The following ITPR1 variants were observed in gnomAD, a reference collection of about 807,000 sequenced individuals.
ITPR1 encodes inositol 1,4,5-trisphosphate receptor type 1, also known as inositol 1,4,5-trisphosphate-gated calcium channel ITPR1.
ITPR1 carries 96 observed loss-of-function variants against 318.4 expected under a neutral mutation model. The observed-to-expected ratio is 0.30, with a 90% CI of 0.26 to 0.36. The LOEUF is 0.36. ITPR1 is among the 10% of genes least tolerant of loss of function. ITPR1 has a pLI of 1.00. For missense variants in ITPR1, 2,440 were observed against 3,460.2 expected, an observed-to-expected ratio of 0.71 and a Z score of 7.40; for synonymous variants, 1,312 against 1,289.9, an observed-to-expected ratio of 1.02 and a Z score of -0.37.
At chr3:4,716,591 G>T (rs1464285227) in intron 39 of ITPR1, among the ~76,000 whole-genome samples, 1 of 152,148 alleles carries the variant, frequency 6.6e-6, no homozygotes, top group Non-Finnish European at 1.5e-5. Context: ...AAGCGTCTTT[G>T]CTCCAGCTGA....
intron 49 of ITPR1, among the ~76,000 whole-genome samples, chr3:4,780,632 C>G (rs2046767452): frequency 6.6e-6 from 1 of 152,162 alleles, no homozygotes; most frequent in African/African-American, 2.4e-5. Context: ...GGGGGCCAGG[C>G]AAAAGTCCCT....
chr3:4,825,301 G>A (rs906621339), intron 60 of ITPR1, among the ~76,000 whole-genome samples: 42 of 152,190 alleles, frequency 2.8e-4, no homozygotes, highest in Admixed American at 2.7e-3. Flanking sequence ...AGAAGCAAAG[G>A]AGCAATTTTC....
intron 4 of ITPR1, among the ~76,000 whole-genome samples, chr3:4,548,820 C>T (rs1157375361): frequency 6.6e-6 from 1 of 152,186 alleles, no homozygotes; most frequent in African/African-American, 2.4e-5. Flanking sequence ...CTCTGTAAGT[C>T]AGAGAAACAA....
chr3:4,552,100 A>C (rs774614391), intron 4 of ITPR1, among the ~76,000 whole-genome samples: 59 of 152,230 alleles, frequency 3.9e-4, no homozygotes, highest in Admixed American at 2.2e-3. Flanking sequence ...ATTGTGGAAA[A>C]AAACAAACTC....
chr3:4,804,909 G>A (rs922593641), intron 54 of ITPR1, among the ~76,000 whole-genome samples: 5 of 152,150 alleles, frequency 3.3e-5, no homozygotes, highest in African/African-American at 9.7e-5. Context: ...CTGTGGCCAA[G>A]GGAGCTAGAG....
chr3:4,641,251 CT>C (rs2093331388), intron 6 of ITPR1, among the ~76,000 whole-genome samples: 1 of 152,244 alleles, frequency 6.6e-6, no homozygotes, highest in East Asian at 1.9e-4. Context: ...GTTATATCCC[CT>C]CTAGGTCTTC....
intron 4 of ITPR1, among the ~76,000 whole-genome samples, chr3:4,542,071 T>C (rs1190031680): frequency 4.6e-5 from 7 of 152,230 alleles, no homozygotes. Context: ...AATTATATTT[T>C]TCCATTTCTA....
intron 5 of ITPR1, among the ~76,000 whole-genome samples, 178 bp from the exon 6 acceptor site, chr3:4,639,206 G>A (rs191376478): frequency 5.3e-4 from 81 of 152,244 alleles, no homozygotes; most frequent in Non-Finnish European, 8.7e-4. Flanking sequence ...AAGCAAAGGC[G>A]GAGTGGATGG....
At position 4,685,086 on chromosome 3, in the gene ITPR1, C is replaced by G; in HGVS notation, c.3582C>G (p.Ser1194Arg). The G allele has an allele frequency of 6.2e-7, 1 of 1,610,330 alleles. No individual in the cohort carries two copies. Among genetic ancestry groups the G allele is most frequent in the South Asian group, 1.1e-5 (1 of 90,238 alleles). Reference protein sequence around the residue: ...RVVKEILIRLSKLCVQESASV... With the variant: ...RVVKEILIRLRKLCVQESASV... ...TCTACTAGATTTTGATTCGGCTTAGCAAACTCTGTGTTCAAGAGAGTGCCT... is the reference window on the plus strand; with the variant it reads ...TCTACTAGATTTTGATTCGGCTTAGGAAACTCTGTGTTCAAGAGAGTGCCT... The change falls in exon 30 of 62, where the codon AGC becomes AGG. Residue 1194 changes from serine (S) to arginine (R), a missense_variant. Ser to Arg is a moderately radical substitution (Grantham distance 110). This residue lies in a region of ITPR1 where 86 missense variants were observed against 75.6 expected (regional missense o/e 1.14). Coordinates refer to ENST00000649015, the MANE Select transcript of ITPR1 (RefSeq NM_001378452.1).
At chr3:4,560,793 G>A (rs1028044499) in intron 4 of ITPR1, among the ~76,000 whole-genome samples, 2 of 152,204 alleles carry the variant, frequency 1.3e-5, no homozygotes, top group Non-Finnish European at 2.9e-5. Context: ...AAGAAGTAGA[G>A]GTGACAGCGA....
intron 56 of ITPR1, among the ~76,000 whole-genome samples, chr3:4,812,762 G>A (rs1019869965): frequency 6.6e-6 from 1 of 152,198 alleles, no homozygotes; most frequent in African/African-American, 2.4e-5. Flanking sequence ...TCTTAGAGTT[G>A]TGGACTAAAC....
At position 4,800,418 on chromosome 3, in the gene ITPR1, C is replaced by T; in HGVS notation, c.6932-7C>T. ...ATTTGTGAGAGAACCCTGTTTTGTC[C>T]TTGCAGGAACCCTGGAGCCCCACTG... On this transcript the variant is annotated splice_polypyrimidine_tract_variant and splice_region_variant and intron_variant, in intron 53 of 61. Transcript: ENST00000649015. 1 of 1,612,214 alleles carries T rather than the reference C, an allele frequency of 6.2e-7. No individual in the cohort carries two copies. Among genetic ancestry groups the T allele is most frequent in the Non-Finnish European group, 8.5e-7 (1 of 1,179,390 alleles).
chr3:4,781,638 C>T (rs1243037613), intron 49 of ITPR1, among the ~76,000 whole-genome samples: 1 of 152,178 alleles, frequency 6.6e-6, no homozygotes, highest in African/African-American at 2.4e-5. Context: ...CCACCTGTGA[C>T]TTTAGGAATG....
chr3:4,601,448 G>A (rs1252846609), intron 4 of ITPR1, among the ~76,000 whole-genome samples: 4 of 151,552 alleles, frequency 2.6e-5, no homozygotes, highest in African/African-American at 9.7e-5. Context: ...GAGCCCAGGA[G>A]GTCGAGGCTG....
chr3:4,613,170 G>T (rs1035160401), intron 4 of ITPR1, among the ~76,000 whole-genome samples: 1 of 152,122 alleles, frequency 6.6e-6, no homozygotes, highest in African/African-American at 2.4e-5. Flanking sequence ...TCAAAGTGGG[G>T]GCTTCCAGGT....
chr3:4,525,456 G>T (rs1170997088), intron 4 of ITPR1, among the ~76,000 whole-genome samples: 3 of 151,922 alleles, frequency 2.0e-5, no homozygotes, highest in African/African-American at 4.8e-5. Flanking sequence ...CTTTTTTTGT[G>T]TGTGTGTGTG....
At chr3:4,700,132 T>C (rs1047126461) in intron 35 of ITPR1, among the ~76,000 whole-genome samples, 191 bp downstream of exon 35, 19 of 152,360 alleles carry the variant, frequency 1.2e-4, no homozygotes, top group African/African-American at 4.6e-4. Context: ...TATTTTCTTA[T>C]ACTGAATGGT....
chr3:4,630,908 A>G (rs1211075561), intron 5 of ITPR1, among the ~76,000 whole-genome samples: 9 of 152,084 alleles, frequency 5.9e-5, no homozygotes, highest in East Asian at 1.9e-4. Flanking sequence ...ATTTTTTACA[A>G]TTCACTATGC....
At chr3:4,602,421 A>G (rs1049288937) in intron 4 of ITPR1, among the ~76,000 whole-genome samples, 2 of 151,336 alleles carry the variant, frequency 1.3e-5, no homozygotes, top group Non-Finnish European at 2.9e-5. Context: ...CCAGCTATTC[A>G]GGAGACTGAG....
Sources: gnomAD v4.1 joint callset for allele counts (sites outside exome capture counted in the v4.1 genomes callset) on GRCh38, gnomAD v4.1.1 for gene constraint, gnomAD v4.1.1 regional missense constraint, MANE v1.5 for transcripts, NCBI Gene and HGNC (gene_info 2026-07-23, HGNC 2026-07-21) for gene names.